Variants in ZC3H13 observed in about 807,000 individuals in gnomAD.
ZC3H13 encodes zinc finger CCCH domain-containing protein 13.
Under a neutral mutation model 204.1 loss-of-function variants are expected in ZC3H13, and 64 were observed. The ratio of observed to expected loss-of-function variants is 0.31; its 90% confidence interval spans 0.26 to 0.39. The LOEUF (loss-of-function observed/expected upper bound fraction) is 0.39, where lower values mean the gene tolerates loss of function less well. Ranked by LOEUF, ZC3H13 falls within the 10% of genes least tolerant of loss-of-function variation. ZC3H13 has a pLI of 1.00. For synonymous variants in ZC3H13, 667 were observed against 693.7 expected, an observed-to-expected ratio of 0.96 and a Z score of 0.60; for missense variants, 1,833 against 2,082.7, an observed-to-expected ratio of 0.88 and a Z score of 2.33.
intron 12 of ZC3H13, among the ~76,000 whole-genome samples, chr13:45,971,093 T>G (rs1460651629): frequency 6.6e-6 from 1 of 152,184 alleles, no homozygotes; most frequent in African/African-American, 2.4e-5. Context: ...CACCATAAAA[T>G]TAGTTCCTTT....
intron 10 of ZC3H13, among the ~76,000 whole-genome samples, chr13:45,983,985 A>C (rs1228983874): frequency 6.6e-6 from 1 of 152,252 alleles, no homozygotes; most frequent in Non-Finnish European, 1.5e-5. Context: ...ATATGTACAC[A>C]GTTATTCACT....
At chr13:46,009,088 T>G (rs1007747473) in intron 7 of ZC3H13, among the ~76,000 whole-genome samples, 5 of 152,186 alleles carry the variant, frequency 3.3e-5, no homozygotes, top group African/African-American at 7.2e-5. Context: ...CATGGAGGTA[T>G]AAGCAAAATC....
chr13:46,027,141 T>C (rs1481155209), intron 4 of ZC3H13, among the ~76,000 whole-genome samples: 1 of 152,200 alleles, frequency 6.6e-6, no homozygotes, highest in Non-Finnish European at 1.5e-5. Context: ...GGTCTAGCTC[T>C]GTTACCCAGG....
intron 5 of ZC3H13, among the ~76,000 whole-genome samples, chr13:46,013,374 A>G (rs1021588865): frequency 4.3e-4 from 65 of 152,070 alleles, no homozygotes; most frequent in African/African-American, 1.5e-3. Context: ...ACATCGTGCC[A>G]CTGCACTCCA....
intron 8 of ZC3H13, among the ~76,000 whole-genome samples, chr13:45,994,390 T>A (rs951943237): frequency 2.0e-5 from 3 of 152,226 alleles, no homozygotes; most frequent in Non-Finnish European, 4.4e-5. Context: ...AAGGGTCAAC[T>A]GTAATTTCCA....
At chr13:46,005,706 C>T (rs887048655) in intron 7 of ZC3H13, among the ~76,000 whole-genome samples, 1 of 152,154 alleles carries the variant, frequency 6.6e-6, no homozygotes, top group Non-Finnish European at 1.5e-5. Flanking sequence ...CCAGGCTGGT[C>T]TCAAACTCTT....
intron 7 of ZC3H13, among the ~76,000 whole-genome samples, chr13:46,008,804 C>T (rs2041341266): frequency 6.6e-6 from 1 of 152,124 alleles, no homozygotes; most frequent in Non-Finnish European, 1.5e-5. Context: ...GCAATATTTA[C>T]TCAATTGCAT....
intron 10 of ZC3H13, among the ~76,000 whole-genome samples, chr13:45,984,663 G>A (rs960936618): frequency 6.6e-6 from 1 of 152,156 alleles, no homozygotes; most frequent in Admixed American, 6.5e-5. Context: ...CAGACCAATG[G>A]AAAGAATAAA....
rs772106335 is a variant in ZC3H13 at position 46,045,380 on chromosome 13, T to A, written c.117+11A>T. On this transcript the variant is annotated intron_variant, in intron 2 of 18. Transcript: ENST00000679008. ...AAGAGAACCCCTGTGACTATACTAG[T>A]GACAACTCACCTCTGCTGTACTGCC... 2 of 1,606,012 alleles carry A rather than the reference T, an allele frequency of 1.2e-6. No homozygotes were observed. Among genetic ancestry groups the A allele is most frequent in the East Asian group, 2.2e-5 (1 of 44,846 alleles).
intron 12 of ZC3H13, 115 bp from the exon 13 acceptor site, chr13:45,970,580 A>G (rs113453057): frequency 6.6e-6 from 5 of 758,744 alleles, no homozygotes; most frequent in African/African-American, 3.5e-5. Flanking sequence ...TAGGAAAGCA[A>G]TATTGCCAGA....
intron 4 of ZC3H13, among the ~76,000 whole-genome samples, chr13:46,021,108 C>A (rs981805082): frequency 1.3e-5 from 2 of 151,768 alleles, no homozygotes; most frequent in African/African-American, 4.8e-5. Flanking sequence ...TCCTAGACAC[C>A]CAAGGATAAA....
At chr13:46,008,313 A>T (rs2041296128) in intron 7 of ZC3H13, among the ~76,000 whole-genome samples, 1 of 86,928 alleles carries the variant, frequency 1.2e-5, no homozygotes, top group Admixed American at 1.2e-4. Flanking sequence ...CATAAATGTT[A>T]TACTCCAAAA....
chr13:46,048,162 T>A (rs550244858), intron 1 of ZC3H13, among the ~76,000 whole-genome samples: 2 of 152,322 alleles, frequency 1.3e-5, no homozygotes, highest in East Asian at 3.9e-4. Context: ...TTCCAGGTAT[T>A]AACTCTACAG....
intron 11 of ZC3H13, among the ~76,000 whole-genome samples, chr13:45,977,681 A>G (rs763912821): frequency 6.6e-6 from 1 of 152,098 alleles, no homozygotes; most frequent in East Asian, 1.9e-4. Flanking sequence ...TCCTGTCCCC[A>G]TAGCTATAGT....
intron 10 of ZC3H13, among the ~76,000 whole-genome samples, chr13:45,982,163 G>A (rs1953696079): frequency 6.6e-6 from 1 of 151,818 alleles, no homozygotes; most frequent in South Asian, 2.1e-4. Flanking sequence ...GAATACAAAT[G>A]TAACAGGCTT....
At chr13:46,051,244 C>A (rs755676691) in intron 1 of ZC3H13, among the ~76,000 whole-genome samples, 2 of 152,016 alleles carry the variant, frequency 1.3e-5, no homozygotes, top group Non-Finnish European at 1.5e-5. Flanking sequence ...TCAAAATATG[C>A]AATGTTCATT....
At position 45,994,344 on chromosome 13, in the gene ZC3H13, C is replaced by T. The variant is rs565231729; in HGVS notation, c.945-5247G>A. On this transcript the variant is annotated intron_variant, in intron 8 of 18. Transcript: ENST00000679008. The stretch of plus-strand genomic sequence containing the variant: ...TCAAAAGTTATACAAGGATTTTCAA[C>T]TGCACAGGGGTTGACCCCCTACCCC... 4.7e-4 allele frequency among the ~76,000 whole-genome samples: 72 copies of T among 152,306 alleles called. 1 individual carries two copies. The South Asian group carries it at 0.014, about 31-fold the overall frequency.
At chr13:45,988,687 C>T in intron 9 of ZC3H13, 100 bp downstream of exon 9, 1 of 1,335,926 alleles carries the variant, frequency 7.5e-7, no homozygotes, top group Non-Finnish European at 1.0e-6. Flanking sequence ...CTGTGTGTTA[C>T]AGAAGACTTA....
chr13:45,964,013 A>G lies in ZC3H13; in HGVS notation c.4504T>C (p.Ser1502Pro). 1.2e-6 allele frequency: 2 copies of G among 1,614,082 alleles called. No homozygotes were observed. The highest frequency in any genetic ancestry group is 1.7e-6 in the Non-Finnish European group (2 of 1,179,982). ...DPLDVIDVDW[S>P]GLMPKHPKEP... ...TTTGGATGCTTTGGCATAAGACCAG[A>G]CCAATCCACATCTATCACATCTAAG... Residue 1502 changes from serine to proline, a missense_variant, in exon 17 of 19, where the codon TCT (serine) becomes CCT (proline). Ser to Pro is a moderately conservative substitution (Grantham distance 74). Coordinates refer to ENST00000679008, the MANE Select transcript of ZC3H13 (RefSeq NM_001330564.2).
Sources: gnomAD v4.1 joint callset for allele counts (sites outside exome capture counted in the v4.1 genomes callset) on GRCh38, gnomAD v4.1.1 for gene constraint, MANE v1.5 for transcripts, NCBI Gene and HGNC (gene_info 2026-07-23, HGNC 2026-07-21) for gene names.